The following TFDP1 variants were observed in gnomAD, a reference collection of about 807,000 sequenced individuals.
TFDP1 encodes the protein transcription factor Dp-1.
TFDP1 carries 6 observed loss-of-function variants against 48.0 expected under a neutral mutation model. The observed-to-expected ratio is 0.13, with a 90% CI of 0.07 to 0.25. The LOEUF is 0.25. TFDP1 is among the 10% of genes least tolerant of loss of function. TFDP1 has a pLI of 1.00. For missense variants in TFDP1, 335 were observed against 543.0 expected, an observed-to-expected ratio of 0.62 and a Z score of 3.81; for synonymous variants, 201 against 211.6, an observed-to-expected ratio of 0.95 and a Z score of 0.44.
chr13:113,634,173 C>G, intron 7 of TFDP1, 140 bp downstream of exon 7: 3 of 1,199,432 alleles, frequency 2.5e-6, no homozygotes, highest in Non-Finnish European at 3.6e-6. Context: ...GCAGACGTCT[C>G]CCTGCGTTTC....
chr13:113,588,340 A>C (rs1396117760), intron 2 of TFDP1, among the ~76,000 whole-genome samples: 1 of 152,218 alleles, frequency 6.6e-6, no homozygotes, highest in Non-Finnish European at 1.5e-5. Flanking sequence ...AGGCCCTGGT[A>C]GTCACCATGG....
intron 8 of TFDP1, among the ~76,000 whole-genome samples, chr13:113,635,597 A>G (rs1594537809): frequency 3.3e-5 from 5 of 152,230 alleles, no homozygotes; most frequent in Admixed American, 1.3e-4. Context: ...GGCAAAGTCC[A>G]CGGCACGGCA....
intron 7 of TFDP1, 180 bp downstream of exon 7, chr13:113,634,213 G>T: frequency 1.2e-6 from 1 of 858,832 alleles, no homozygotes; most frequent in Non-Finnish European, 1.9e-6. Context: ...GAGGGAGCAT[G>T]GTTGGCCCAG....
At chr13:113,614,004 G>A (rs910600374) in intron 3 of TFDP1, among the ~76,000 whole-genome samples, 10 of 148,208 alleles carry the variant, frequency 6.7e-5, no homozygotes, top group Non-Finnish European at 1.5e-4. Flanking sequence ...ATGAGTTCAC[G>A]TGAGTTGTGT....
intron 2 of TFDP1, among the ~76,000 whole-genome samples, chr13:113,592,928 C>G (rs925929190): frequency 7.2e-5 from 11 of 151,814 alleles, no homozygotes; most frequent in Non-Finnish European, 1.6e-4. Context: ...TGCTGGTCCT[C>G]AGCCCTGCCC....
intron 10 of TFDP1, 60 bp from the exon 11 acceptor site, chr13:113,637,758 C>T (rs1307994668): frequency 1.9e-6 from 3 of 1,614,064 alleles, no homozygotes; most frequent in Admixed American, 1.7e-5. Flanking sequence ...TGTTGGTTGC[C>T]TGTGCGTCTT....
intron 11 of TFDP1, among the ~76,000 whole-genome samples, chr13:113,639,356 T>TA (rs1430511915): frequency 6.6e-6 from 1 of 152,236 alleles, no homozygotes. Flanking sequence ...TCTTACGAAA[T>TA]ACCGATTTTC....
intron 8 of TFDP1, among the ~76,000 whole-genome samples, chr13:113,634,898 C>T (rs2049441193): frequency 6.6e-6 from 1 of 151,654 alleles, no homozygotes. Context: ...TGTGTGCGTG[C>T]ATGTGCCTGT....
At chr13:113,628,701 A>G (rs1390006422) in intron 4 of TFDP1, among the ~76,000 whole-genome samples, 2 of 152,060 alleles carry the variant, frequency 1.3e-5, no homozygotes, top group African/African-American at 4.8e-5. Context: ...ACTGCTTCCA[A>G]TACCTCCTTT....
chr13:113,609,146 C>T (rs1218367090), intron 2 of TFDP1, among the ~76,000 whole-genome samples: 3 of 152,230 alleles, frequency 2.0e-5, no homozygotes, highest in Admixed American at 6.5e-5. Flanking sequence ...GGCCTCAGAG[C>T]GCCTCCTGGG....
chr13:113,593,809 C>A, intron 2 of TFDP1, among the ~76,000 whole-genome samples: 1 of 142,536 alleles, frequency 7.0e-6, no homozygotes, highest in African/African-American at 2.6e-5. Context: ...CAGCTATACA[C>A]AGGTGTCAGG....
intron 3 of TFDP1, among the ~76,000 whole-genome samples, chr13:113,622,340 G>A (rs1171670556): frequency 6.6e-6 from 1 of 152,158 alleles, no homozygotes; most frequent in African/African-American, 2.4e-5. Context: ...CTGTGGGGCC[G>A]GTCCCTACAG....
intron 5 of TFDP1, among the ~76,000 whole-genome samples, chr13:113,632,138 C>T (rs2049353111): frequency 6.6e-6 from 1 of 152,252 alleles, no homozygotes; most frequent in South Asian, 2.1e-4. Flanking sequence ...TCTACTGCCC[C>T]TGGGGTTACG....
At chr13:113,628,815 G>A (rs988663619) in intron 4 of TFDP1, among the ~76,000 whole-genome samples, 2 of 152,144 alleles carry the variant, frequency 1.3e-5, no homozygotes, top group Admixed American at 6.5e-5. Context: ...GCCCACACAC[G>A]CCCTCCAGGG....
At chr13:113,613,284 G>A (rs923842393) in intron 3 of TFDP1, among the ~76,000 whole-genome samples, 1 of 152,216 alleles carries the variant, frequency 6.6e-6, no homozygotes, top group African/African-American at 2.4e-5. Flanking sequence ...AAAGTGCTGG[G>A]ATTACAGGCG....
chr13:113,639,639 G>A (rs185460573), intron 11 of TFDP1, among the ~76,000 whole-genome samples: 1 of 152,342 alleles, frequency 6.6e-6, no homozygotes. Flanking sequence ...AGTGAGCTCT[G>A]GTTGGTGGTA....
chr13:113,585,220 C>G (rs1170169640), intron 1 of TFDP1: 1 of 149,034 alleles, frequency 6.7e-6, no homozygotes, highest in Admixed American at 6.7e-5. Context: ...GAGGGGAGGC[C>G]GCCCCACGGC....
Position 113,633,591 on chromosome 13 carries a change from G to A in TFDP1, c.475-299G>A, listed in dbSNP as rs144134448. On this transcript the variant is annotated intron_variant, in intron 6 of 11. Coordinates refer to ENST00000375370, the MANE Select transcript of TFDP1 (RefSeq NM_007111.5). The surrounding 1 kb of genome is among the most constrained non-coding windows in gnomAD (Gnocchi z 4.5). ...CTGGCACGATGCTTTGTCAACTCCA[G>A]TGAGTGAGCACGTGGGCTGGCTCTG... Among the ~76,000 whole-genome samples, 15 of 152,336 alleles carry A rather than the reference G, an allele frequency of 9.8e-5. No homozygotes were observed. Among genetic ancestry groups the A allele is most frequent in the Non-Finnish European group, 1.5e-4 (10 of 68,038 alleles).
intron 2 of TFDP1, among the ~76,000 whole-genome samples, chr13:113,602,525 G>C (rs1273307094): frequency 6.6e-6 from 1 of 152,192 alleles, no homozygotes; most frequent in African/African-American, 2.4e-5. Context: ...TTAATGTGCA[G>C]TGCAAGTGTT....
Sources: gnomAD v4.1 joint callset for allele counts (sites outside exome capture counted in the v4.1 genomes callset) on GRCh38, gnomAD v4.1.1 for gene constraint, Gnocchi (gnomAD v3.1) non-coding constraint, MANE v1.5 for transcripts, NCBI Gene and HGNC (gene_info 2026-07-23, HGNC 2026-07-21) for gene names.